The following INSL6 variants were observed in gnomAD, a reference collection of about 807,000 sequenced individuals.
INSL6 encodes the protein insulin like 6.
Under a neutral mutation model 9.4 loss-of-function variants are expected in INSL6, and 16 were observed. That is an observed-to-expected ratio of 1.70 (90% confidence interval 1.15 to 2.59). INSL6 has a LOEUF of 2.59. Among genes scored for constraint, INSL6 ranks in the 30% most tolerant of loss-of-function variants. The pLI is 0.00. For synonymous variants in INSL6, 154 were observed against 96.9 expected, an observed-to-expected ratio of 1.59 and a Z score of -3.46; for missense variants, 391 against 257.3, an observed-to-expected ratio of 1.52 and a Z score of -3.56.
chr9:5,080,178 T>C, the INSL6 span: 1 of 1,314,214 alleles, frequency 7.6e-7, no homozygotes, highest in African/African-American at 1.5e-5. Context: ...ATATAAAAGA[T>C]TGGTTTACTT....
chr9:5,054,630 C>T, the INSL6 span: 9 of 1,612,462 alleles, frequency 5.6e-6, no homozygotes, highest in South Asian at 3.3e-5. The surrounding 1 kb of genome is among the most constrained non-coding windows in gnomAD (Gnocchi z 4.9). Context: ...GACAAGGAAG[C>T]GAATAAGGTA....
At chr9:5,042,065 C>T in the INSL6 span, 8 of 230,870 alleles carry the variant, frequency 3.5e-5, 1 homozygote, top group South Asian at 3.3e-4. Flanking sequence ...GGGTCTTGGC[C>T]GGCGGCCCCA....
the INSL6 span, chr9:5,098,299 C>T: frequency 1.3e-5 from 2 of 152,140 alleles, no homozygotes; most frequent in Non-Finnish European, 2.9e-5. Flanking sequence ...CATTACGTAA[C>T]TTTGTCAAAG....
the INSL6 span, among the ~76,000 whole-genome samples, chr9:5,087,227 G>A: frequency 2.7e-4 from 41 of 152,308 alleles, no homozygotes; most frequent in Admixed American, 2.5e-3. Flanking sequence ...GGAGGCCTCA[G>A]GAAACTTACA....
the INSL6 span, chr9:5,029,891 T>C: frequency 6.2e-7 from 1 of 1,608,548 alleles, no homozygotes; most frequent in Non-Finnish European, 8.5e-7. Context: ...AGGCATAATG[T>C]ACTCTACAGA....
At chr9:5,071,234 A>G in the INSL6 span, among the ~76,000 whole-genome samples, 1 of 152,176 alleles carries the variant, frequency 6.6e-6, no homozygotes, top group Non-Finnish European at 1.5e-5. Flanking sequence ...GGCAACCCAT[A>G]ATTCCCACAG....
the INSL6 span, among the ~76,000 whole-genome samples, chr9:5,036,761 A>G: frequency 7.4e-4 from 113 of 152,362 alleles, no homozygotes; most frequent in African/African-American, 2.6e-3. Flanking sequence ...TAAAAACCCT[A>G]GAAGAAAACC....
the INSL6 span, among the ~76,000 whole-genome samples, chr9:5,012,700 C>A: frequency 2.2e-4 from 33 of 152,098 alleles, no homozygotes; most frequent in Non-Finnish European, 4.9e-4. Flanking sequence ...AAGAATAGAT[C>A]GTTTGACAAG....
chr9:5,110,303 AG>A, the INSL6 span: 3 of 152,174 alleles, frequency 2.0e-5, no homozygotes, highest in African/African-American at 7.2e-5. Context: ...CATTATCTCC[AG>A]GGGCTGTTAC....
the INSL6 span, among the ~76,000 whole-genome samples, chr9:5,043,308 G>T: frequency 2.0e-5 from 3 of 151,734 alleles, no homozygotes; most frequent in Non-Finnish European, 4.4e-5. Flanking sequence ...CAACTTAGGG[G>T]CTTTAAAAAA....
the INSL6 span, among the ~76,000 whole-genome samples, chr9:5,043,100 C>T: frequency 2.0e-5 from 3 of 152,150 alleles, no homozygotes; most frequent in African/African-American, 7.2e-5. Flanking sequence ...CAGCCGCAGA[C>T]AAAATGCCTT....
chr9:5,042,477 C>T, the INSL6 span, among the ~76,000 whole-genome samples: 1 of 152,208 alleles, frequency 6.6e-6, no homozygotes. Context: ...TAGTCCTCCC[C>T]TCCAAGAGCA....
intron 1 of INSL6, among the ~76,000 whole-genome samples, chr9:5,164,765 C>A (rs1347329279): frequency 6.6e-6 from 1 of 152,216 alleles, no homozygotes; most frequent in Non-Finnish European, 1.5e-5. Flanking sequence ...GTTTCTTTCA[C>A]TTAGCATGAT....
chr9:5,038,499 T>C, the INSL6 span, among the ~76,000 whole-genome samples: 1 of 151,612 alleles, frequency 6.6e-6, no homozygotes, highest in African/African-American at 2.4e-5. Context: ...ATGTTGTAGG[T>C]AGAAAATCAA....
chr9:5,077,722 A>C, the INSL6 span: 4 of 468,632 alleles, frequency 8.5e-6, no homozygotes, highest in Non-Finnish European at 1.4e-5. Flanking sequence ...TGATAAAAAG[A>C]GATTACTTTA....
At chr9:5,062,134 T>G in the INSL6 span, among the ~76,000 whole-genome samples, 1 of 152,096 alleles carries the variant, frequency 6.6e-6, no homozygotes, top group Non-Finnish European at 1.5e-5. Flanking sequence ...ATATGCAATT[T>G]TTTTTCAGCC....
At chr9:5,086,179 C>G in the INSL6 span, 1 of 465,044 alleles carries the variant, frequency 2.2e-6, no homozygotes. Context: ...CCGCCGGTCT[C>G]CAGCAACAGC....
chr9:5,043,007 C>A, the INSL6 span, among the ~76,000 whole-genome samples: 1 of 151,988 alleles, frequency 6.6e-6, no homozygotes, highest in African/African-American at 2.4e-5. Flanking sequence ...CGGCTGGCGT[C>A]GCGCGGCTCG....
the INSL6 span, chr9:5,055,584 G>T: frequency 9.4e-7 from 1 of 1,066,660 alleles, no homozygotes; most frequent in Non-Finnish European, 1.3e-6. Context: ...AAAGAATTTG[G>T]AAAGAATGTT....
Sources: gnomAD v4.1 joint callset for allele counts (sites outside exome capture counted in the v4.1 genomes callset) on GRCh38, gnomAD v4.1.1 for gene constraint, Gnocchi (gnomAD v3.1) non-coding constraint, MANE v1.5 for transcripts, NCBI Gene and HGNC (gene_info 2026-07-23, HGNC 2026-07-21) for gene names.